Variants in ANO2 observed in about 807,000 individuals in gnomAD.
The protein encoded by ANO2 is anoctamin 2, also known as anoctamin-2.
A neutral mutation model predicts 124.2 loss-of-function variants in ANO2; 101 were observed. That is an observed-to-expected ratio of 0.81 (90% CI 0.69 to 0.96). ANO2 has a LOEUF of 0.96. ANO2 is among the 40% of genes least tolerant of loss of function. ANO2 has a pLI of 0.00. For synonymous variants in ANO2, 486 were observed against 482.5 expected (o/e 1.01, Z -0.09); for missense variants, 1,293 against 1,274.5 (o/e 1.01, Z -0.22).
At chr12:5,824,336 T>A (rs912710707) in intron 7 of ANO2, among the ~76,000 whole-genome samples, 2 of 152,248 alleles carry the variant, frequency 1.3e-5, no homozygotes, top group South Asian at 4.1e-4. Flanking sequence ...AGCACCCAAG[T>A]CGCCTCTTGA....
intron 11 of ANO2, among the ~76,000 whole-genome samples, chr12:5,747,958 C>T (rs909209126): frequency 6.6e-6 from 1 of 152,126 alleles, no homozygotes; most frequent in Non-Finnish European, 1.5e-5. Context: ...GTGAATGTGG[C>T]TGTGTGCATC....
chr12:5,623,380 G>T (rs989619284), intron 16 of ANO2, among the ~76,000 whole-genome samples: 1 of 152,104 alleles, frequency 6.6e-6, no homozygotes, highest in Non-Finnish European at 1.5e-5. Context: ...TGTGGAGCAG[G>T]ATCCCAACAA....
intron 24 of ANO2, among the ~76,000 whole-genome samples, chr12:5,564,147 C>T (rs1354531049): frequency 6.6e-6 from 1 of 152,146 alleles, no homozygotes; most frequent in Admixed American, 6.5e-5. Flanking sequence ...CACCTTATAC[C>T]GGTCTCAGTC....
intron 14 of ANO2, among the ~76,000 whole-genome samples, chr12:5,686,768 C>T (rs2159949): frequency 0.14 from 20,994 of 152,266 alleles, 1,544 homozygotes; most frequent in Middle Eastern, 0.24. Flanking sequence ...TGGTGGGAGC[C>T]GTGCTGTCCT....
At chr12:5,756,778 C>T (rs1325505564) in intron 10 of ANO2, among the ~76,000 whole-genome samples, 1 of 152,226 alleles carries the variant, frequency 6.6e-6, no homozygotes, top group Non-Finnish European at 1.5e-5. Context: ...AGTAGGGCTG[C>T]ATTTGGTTTC....
intron 24 of ANO2, 108 bp from the exon 25 acceptor site, chr12:5,563,676 A>G: frequency 7.0e-7 from 1 of 1,425,490 alleles, no homozygotes. Flanking sequence ...GCAACTTACC[A>G]GCCCAGTGAT....
intron 7 of ANO2, among the ~76,000 whole-genome samples, chr12:5,807,669 G>A (rs1287641830): frequency 6.6e-6 from 1 of 152,150 alleles, no homozygotes; most frequent in Non-Finnish European, 1.5e-5. Flanking sequence ...CCACCATCAG[G>A]TGAGAATCTC....
At chr12:5,828,585 C>G (rs1352784044) in intron 6 of ANO2, among the ~76,000 whole-genome samples, 1 of 152,200 alleles carries the variant, frequency 6.6e-6, no homozygotes, top group Non-Finnish European at 1.5e-5. Context: ...GAGCACAGTC[C>G]TAGGCACACA....
intron 19 of ANO2, among the ~76,000 whole-genome samples, chr12:5,604,852 G>A (rs564238389): frequency 3.0e-4 from 45 of 151,958 alleles, no homozygotes; most frequent in African/African-American, 1.0e-3. Context: ...GATTCCGACC[G>A]TATGATGCAC....
chr12:5,600,791 GA>G (rs1320546674), intron 19 of ANO2, among the ~76,000 whole-genome samples: 1 of 152,156 alleles, frequency 6.6e-6, no homozygotes, highest in East Asian at 1.9e-4. Flanking sequence ...GTTTAAACGG[GA>G]TTTTGAAGTC....
intron 7 of ANO2, among the ~76,000 whole-genome samples, chr12:5,827,361 G>T (rs1204974643): frequency 6.6e-6 from 1 of 152,176 alleles, no homozygotes; most frequent in Non-Finnish European, 1.5e-5. Context: ...CTCTCTGGAG[G>T]TTCGTCTCTT....
In ANO2 at chr12:5,830,491, T is replaced by G. The variant is rs1471935386; in HGVS notation, c.786-2A>C. 1 of 1,610,882 alleles carries G rather than the reference T, an allele frequency of 6.2e-7. No individual in the cohort carries two copies. The highest frequency in any genetic ancestry group is 1.7e-5 in the Admixed American group (1 of 59,724). On this transcript the variant is annotated splice_acceptor_variant, in intron 5 of 24. Transcript: ENST00000682330. LOFTEE classifies it high-confidence loss of function. The stretch of plus-strand genomic sequence containing the variant: ...GTGTCCTTTTCCTGGATGTTGTACC[T>G]GGAGACACCAAGAGAGCAGATGGCA...
chr12:5,723,317 C>G (rs1216891532), intron 14 of ANO2, among the ~76,000 whole-genome samples: 3 of 152,176 alleles, frequency 2.0e-5, no homozygotes, highest in Non-Finnish European at 4.4e-5. Context: ...GGCTGCTAGG[C>G]AAGGACTGTA....
chr12:5,713,199 GGTTCA>G (rs1949878709), intron 14 of ANO2, among the ~76,000 whole-genome samples: 1 of 152,156 alleles, frequency 6.6e-6, no homozygotes, highest in African/African-American at 2.4e-5. Flanking sequence ...GATGGTGAGT[GGTTCA>G]ACCCTGCCAT....
rs535037474 is a variant in ANO2, at chr12:5,636,159, G to A, written c.1621-812C>T. 1.3e-5 allele frequency among the ~76,000 whole-genome samples: 2 copies of A among 152,092 alleles called. No individual in the cohort carries two copies. The highest frequency in any genetic ancestry group is 1.3e-4 in the Admixed American group (2 of 15,268). ...GGTTATAGCCACGTGACCTCTAAGGGTTCCCCTCATTTCCTCTCTCTAGAA... is the reference window on the plus strand; with the variant it reads ...GGTTATAGCCACGTGACCTCTAAGGATTCCCCTCATTTCCTCTCTCTAGAA... On this transcript the variant is annotated intron_variant, in intron 15 of 24. Coordinates refer to ENST00000682330, the MANE Select transcript of ANO2 (RefSeq NM_001364791.2). The surrounding 1 kb of genome is among the most constrained non-coding windows in gnomAD (Gnocchi z 4.6).
chr12:5,740,742 A>C (rs1035697326), intron 12 of ANO2: 1 of 152,192 alleles, frequency 6.6e-6, no homozygotes, highest in Admixed American at 6.5e-5. Context: ...ACCTGCCTAC[A>C]TGTTCAATGG....
At chr12:5,691,022 C>T (rs1046427231) in intron 14 of ANO2, among the ~76,000 whole-genome samples, 6 of 152,088 alleles carry the variant, frequency 3.9e-5, no homozygotes, top group East Asian at 3.8e-4. Flanking sequence ...AATGGAGAGA[C>T]GGCCGGCAAA....
At chr12:5,731,590 CCTCTCTCT>C (rs77047097) in intron 14 of ANO2, among the ~76,000 whole-genome samples, 3,304 of 150,082 alleles carry the variant, frequency 0.022, 60 homozygotes, top group South Asian at 0.04. Flanking sequence ...CATAAACTCT[CCTCTCTCT>C]CTCTCTCTCC....
At chr12:5,688,434 C>T (rs1948792871) in intron 14 of ANO2, among the ~76,000 whole-genome samples, 2 of 152,164 alleles carry the variant, frequency 1.3e-5, no homozygotes, top group South Asian at 4.1e-4. Flanking sequence ...CCAGCTATAA[C>T]CCTCACAAAG....
Sources: allele counts gnomAD v4.1 joint callset (sites outside exome capture counted in the v4.1 genomes callset), GRCh38; gene constraint gnomAD v4.1.1; non-coding constraint Gnocchi (gnomAD v3.1); transcripts MANE v1.5; gene names NCBI Gene and HGNC (gene_info 2026-07-23, HGNC 2026-07-21).